SHROOM4: variants seen among roughly 807,000 people sequenced by gnomAD.
The protein encoded by SHROOM4 is protein Shroom4.
A neutral mutation model predicts 80.3 loss-of-function variants in SHROOM4; 17 were observed. That is an observed-to-expected ratio of 0.21 (90% confidence interval 0.14 to 0.32). The LOEUF is 0.32. Among genes scored for constraint, SHROOM4 ranks in the 10% least tolerant of loss-of-function variants. The pLI is 1.00. For missense variants in SHROOM4, 993 were observed against 1,140.3 expected, an observed-to-expected ratio of 0.87 and a Z score of 1.86; for synonymous variants, 400 against 437.5, an observed-to-expected ratio of 0.91 and a Z score of 1.07.
chrX:50,585,211 G>A (rs1557244670), downstream of SHROOM4, among the ~76,000 whole-genome samples: 1 of 111,660 alleles, frequency 9.0e-6, no homozygotes, highest in Non-Finnish European at 1.9e-5. Context: ...CCCTCAAGAA[G>A]CCCACAGCCT....
At chrX:50,747,317 C>T (rs1934793401) in intron 1 of SHROOM4, among the ~76,000 whole-genome samples, 1 of 111,930 alleles carries the variant, frequency 8.9e-6, no homozygotes, top group South Asian at 3.7e-4. Context: ...AAGCCTATAT[C>T]ACTCTGTCAG....
At chrX:50,653,791 G>A (rs911593397) in intron 2 of SHROOM4, among the ~76,000 whole-genome samples, 6 of 111,706 alleles carry the variant, frequency 5.4e-5, no homozygotes, top group Non-Finnish European at 3.8e-5. Context: ...GAGCTTTATC[G>A]AAGGCCTTTT....
At chrX:50,643,497 A>G (rs1174477355) in intron 2 of SHROOM4, 1 of 111,896 alleles carries the variant, frequency 8.9e-6, no homozygotes, top group African/African-American at 3.3e-5. Context: ...GGGCTCAGGC[A>G]CAGTCAGGTT....
At chrX:50,666,775 C>T (rs1229384248) in intron 2 of SHROOM4, among the ~76,000 whole-genome samples, 2 of 111,087 alleles carry the variant, frequency 1.8e-5, no homozygotes, top group African/African-American at 6.6e-5. Flanking sequence ...GGTAAGTAAC[C>T]TTCAATGTGT....
In SHROOM4 at chrX:50,611,144, C is replaced by CTTTTTTTTT. The variant is rs782473243; in HGVS notation, c.2958-2969_2958-2961dup. On this transcript the variant is annotated intron_variant, in intron 5 of 8. Coordinates refer to ENST00000376020, the MANE Select transcript of SHROOM4 (RefSeq NM_020717.5). ...AGTACAGACCATATTTTCTTTTTTT[C>CTTTTTTTTT]TTTTTTTTTTTTTTTTTTTTTTGAG... Among the ~76,000 whole-genome samples the CTTTTTTTTT allele has an allele frequency of 3.0e-3, 202 of 68,148 alleles. 3 individuals carry two copies. Among genetic ancestry groups the CTTTTTTTTT allele is most frequent in the Admixed American group, 6.6e-3 (34 of 5,154 alleles). The allele number at this position is 68,148 out of a possible 115,157, so 59.2% of individuals were successfully genotyped here.
chrX:50,747,155 AT>A (rs1343772932), intron 1 of SHROOM4, among the ~76,000 whole-genome samples: 1 of 111,917 alleles, frequency 8.9e-6, no homozygotes, highest in African/African-American at 3.2e-5. Flanking sequence ...GTTACCCTCT[AT>A]CCACTGTACT....
At chrX:50,759,122 C>T (rs1935097336) in intron 1 of SHROOM4, among the ~76,000 whole-genome samples, 1 of 111,901 alleles carries the variant, frequency 8.9e-6, no homozygotes, top group South Asian at 3.7e-4. Flanking sequence ...CCTAACTCAA[C>T]AGTATCTCAG....
intron 1 of SHROOM4, among the ~76,000 whole-genome samples, chrX:50,760,184 T>A (rs191819542): frequency 1.8e-5 from 2 of 111,508 alleles, no homozygotes; most frequent in East Asian, 5.6e-4. Flanking sequence ...TGTTGAATTG[T>A]CTATTTTATC....
At chrX:50,647,336 G>GT (rs1253552955) in intron 2 of SHROOM4, among the ~76,000 whole-genome samples, 5 of 111,491 alleles carry the variant, frequency 4.5e-5, no homozygotes, top group African/African-American at 1.3e-4. Context: ...TAATGAAAGA[G>GT]TTTTTTTCCC....
At position 50,765,370 on chromosome X, in the gene SHROOM4, T is replaced by A. The variant is rs181887156; in HGVS notation, c.117+48532A>T. ...CGGTCTCATGCATATAGCCTCCTCA[T>A]TTTCCAGCAGAAAGTAAAAATGAGT... is the stretch of plus-strand genomic sequence containing the variant. On this transcript the variant is annotated intron_variant, in intron 1 of 8. Coordinates refer to ENST00000376020, the MANE Select transcript of SHROOM4 (RefSeq NM_020717.5). Among the ~76,000 whole-genome samples the A allele has an allele frequency of 2.9e-4, 32 of 112,086 alleles. No individual in the cohort carries two copies. In the East Asian group the frequency reaches 8.7e-3, roughly 31 times the overall value.
At chrX:50,804,655 C>A (rs1936191065) in intron 1 of SHROOM4, among the ~76,000 whole-genome samples, 1 of 112,210 alleles carries the variant, frequency 8.9e-6, no homozygotes, top group African/African-American at 3.2e-5. Context: ...CTCGGTTCTT[C>A]ATCTGCACAA....
intron 5 of SHROOM4, among the ~76,000 whole-genome samples, chrX:50,617,305 C>T (rs782389774): frequency 8.9e-6 from 1 of 111,902 alleles, no homozygotes; most frequent in African/African-American, 3.2e-5. Flanking sequence ...ATTGCCTTCA[C>T]AATTGTATGC....
intron 1 of SHROOM4, among the ~76,000 whole-genome samples, chrX:50,705,332 A>G (rs1557263875): frequency 9.0e-6 from 1 of 111,448 alleles, no homozygotes; most frequent in Non-Finnish European, 1.9e-5. Flanking sequence ...TGCATCAGAG[A>G]TTATTTCCTT....
At chrX:50,737,631 G>T (rs1444919119) in intron 1 of SHROOM4, among the ~76,000 whole-genome samples, 3 of 111,295 alleles carry the variant, frequency 2.7e-5, no homozygotes, top group Non-Finnish European at 5.6e-5. Flanking sequence ...AAACCAGGAA[G>T]AAGTTGAATC....
rs34642949 is a variant in SHROOM4, at chrX:50,591,669, T to TTTTC, written c.*5022_*5025dup. On this transcript the variant is annotated 3_prime_UTR_variant, in exon 9 of 9. Transcript: ENST00000376020. Reference sequence around the variant, plus strand: ...TTTGATGCTATTGTAAATGGAACTGTTTTCTTTCTTTCTTTCTTTCTTTCT... The same window carrying TTTTC: ...TTTGATGCTATTGTAAATGGAACTGTTTTCTTTCTTTCTTTCTTTCTTTCTTTCT... The TTTTC allele has an allele frequency of 3.1e-3, 893 of 291,852 alleles. 11 individuals carry two copies. Among genetic ancestry groups the TTTTC allele is most frequent in the African/African-American group, 0.019 (619 of 31,994 alleles). 24.1% of individuals were successfully genotyped at this position (291,852 alleles called of 1,213,427 possible).
At position 50,774,802 on chromosome X, in the gene SHROOM4, T is replaced by C. The variant is rs926790852; in HGVS notation, c.117+39100A>G. ...AGCCAAGACACAAAGGCAAACACTATAGGTTTCAGAACCTTAATCTGATAA... is the reference window on the plus strand; with the variant it reads ...AGCCAAGACACAAAGGCAAACACTACAGGTTTCAGAACCTTAATCTGATAA... On this transcript the variant is annotated intron_variant, in intron 1 of 8. Transcript: ENST00000376020. 3.6e-5 allele frequency among the ~76,000 whole-genome samples: 4 copies of C among 111,695 alleles called. No individual in the cohort carries two copies. In the South Asian group the frequency reaches 1.5e-3, roughly 42 times the overall value.
rs1557248968 is a variant in SHROOM4, at chrX:50,607,849, G to T, written c.3293C>A (p.Ala1098Asp). The T allele has an allele frequency of 1.7e-6, 2 of 1,209,508 alleles. No individual in the cohort carries two copies. The highest frequency in any genetic ancestry group is 2.3e-4 in the Middle Eastern group (1 of 4,340). Residue 1098 changes from alanine to aspartate, a missense_variant, in exon 6 of 9, where the codon GCC becomes GAC. By Grantham distance (126) the Ala-to-Asp change is moderately radical (BLOSUM62 -2). Transcript: ENST00000376020. ...QSDLLGARKK[A>D]FPPPRPPPPN... ...AGGAGGAGGGCGAGGAGGAGGAAAG[G>T]CCTTCTTCCTGGCTCCGAGAAGATC...
intron 1 of SHROOM4, among the ~76,000 whole-genome samples, chrX:50,724,275 TTC>T (rs1459325168): frequency 4.5e-5 from 5 of 111,777 alleles, no homozygotes; most frequent in Middle Eastern, 4.6e-3. Context: ...GGCAAGGAAG[TTC>T]TCTCCTTGAG....
At chrX:50,726,290 G>A (rs1934241666) in intron 1 of SHROOM4, among the ~76,000 whole-genome samples, 1 of 112,325 alleles carries the variant, frequency 8.9e-6, no homozygotes, top group African/African-American at 3.2e-5. Context: ...AAGGGAAGTA[G>A]AGCATAAAAG....
Sources: gnomAD v4.1 joint callset for allele counts (sites outside exome capture counted in the v4.1 genomes callset) on GRCh38, gnomAD v4.1.1 for gene constraint, MANE v1.5 for transcripts, NCBI Gene and HGNC (gene_info 2026-07-23, HGNC 2026-07-21) for gene names.